The following ANXA8 variants were observed in gnomAD, a reference collection of about 807,000 sequenced individuals.
ANXA8 encodes VAC-beta.
In ANXA8, 9 loss-of-function variants were observed where a neutral mutation model predicts 26.8. The observed-to-expected ratio is 0.34, with a 90% CI of 0.20 to 0.59. The LOEUF is 0.59. Ranked by LOEUF, ANXA8 falls within the 20% of genes least tolerant of loss-of-function variation. The pLI is 0.84. For missense variants in ANXA8, 83 were observed against 238.5 expected (o/e 0.35, Z 4.29); for synonymous variants, 39 against 94.8 (o/e 0.41, Z 3.42).
the ANXA8 span, among the ~76,000 whole-genome samples, chr10:47,508,184 C>G: frequency 1.2e-5 from 1 of 81,076 alleles, no homozygotes; most frequent in East Asian, 6.3e-4. Flanking sequence ...CCTGCCTCAG[C>G]CTCCCAAGTG....
chr10:47,956,836 T>G, the ANXA8 span, among the ~76,000 whole-genome samples: 1 of 150,158 alleles, frequency 6.7e-6, no homozygotes, highest in South Asian at 2.1e-4. Flanking sequence ...AGCAGGGCAC[T>G]CAGGGAAGGA....
chr10:47,683,113 C>G, the ANXA8 span, among the ~76,000 whole-genome samples: 1 of 151,898 alleles, frequency 6.6e-6, no homozygotes. Context: ...TAAACTTCAA[C>G]TGCTTTTGTT....
At chr10:47,686,312 G>A in the ANXA8 span, among the ~76,000 whole-genome samples, 3 of 149,756 alleles carry the variant, frequency 2.0e-5, no homozygotes, top group East Asian at 5.9e-4. Flanking sequence ...TCTGCCTCCT[G>A]GGTTCAAGCG....
the ANXA8 span, among the ~76,000 whole-genome samples, chr10:47,891,586 AT>A: frequency 8.2e-5 from 1 of 12,266 alleles, no homozygotes; most frequent in African/African-American, 4.0e-4. Context: ...ATCTCTACAA[AT>A]AAATAGAAAA....
chr10:47,954,354 T>C, the ANXA8 span, among the ~76,000 whole-genome samples: 1 of 151,058 alleles, frequency 6.6e-6, no homozygotes, highest in South Asian at 2.1e-4. Flanking sequence ...AATATTGAAC[T>C]CATGGAGATA....
At chr10:47,559,667 C>G in the ANXA8 span, among the ~76,000 whole-genome samples, 5 of 151,438 alleles carry the variant, frequency 3.3e-5, no homozygotes, top group Non-Finnish European at 7.4e-5. Context: ...TTTAGGTAGC[C>G]CAGTACTCGG....
intron 11 of ANXA8, among the ~76,000 whole-genome samples, chr10:47,469,804 T>A (rs1443634015): frequency 3.3e-5 from 5 of 151,524 alleles, no homozygotes; most frequent in Non-Finnish European, 7.4e-5. Context: ...TATTGTCTAC[T>A]TTTCACCATT....
the ANXA8 span, among the ~76,000 whole-genome samples, chr10:47,530,671 T>C: frequency 1.3e-3 from 196 of 145,532 alleles, no homozygotes; most frequent in East Asian, 5.5e-3. Context: ...CCAGCCTGGG[T>C]GACAGAGTGA....
the ANXA8 span, among the ~76,000 whole-genome samples, chr10:47,653,266 TG>T: frequency 6.7e-6 from 1 of 149,448 alleles, no homozygotes; most frequent in East Asian, 1.9e-4. Context: ...GAGCCGAGAC[TG>T]CGCCACTGCA....
At chr10:47,686,920 G>C in the ANXA8 span, among the ~76,000 whole-genome samples, 1 of 151,400 alleles carries the variant, frequency 6.6e-6, no homozygotes, top group African/African-American at 2.4e-5. Flanking sequence ...ACAAGTTTGT[G>C]GGGGCGGGGG....
At chr10:47,495,833 G>A in the ANXA8 span, among the ~76,000 whole-genome samples, 5 of 151,330 alleles carry the variant, frequency 3.3e-5, no homozygotes, top group Non-Finnish European at 7.4e-5. Flanking sequence ...GGCATGGGGG[G>A]CAACCCAGGG....
At chr10:47,590,004 T>C in the ANXA8 span, 8 of 146,090 alleles carry the variant, frequency 5.5e-5, no homozygotes, top group South Asian at 1.7e-3. Flanking sequence ...ATCTGGATCC[T>C]GGCCTCTCAG....
the ANXA8 span, among the ~76,000 whole-genome samples, chr10:47,743,319 T>TATATATATACAC: frequency 5.2e-4 from 24 of 45,864 alleles, no homozygotes; most frequent in African/African-American, 1.7e-3. Flanking sequence ...TATACACATA[T>TATATATATACAC]ATATATATAC....
chr10:47,533,308 A>G, the ANXA8 span, among the ~76,000 whole-genome samples: 3 of 146,818 alleles, frequency 2.0e-5, no homozygotes, highest in East Asian at 6.6e-4. Flanking sequence ...GGGGTCCATC[A>G]CTGCCCTTTC....
At chr10:47,546,268 T>C in the ANXA8 span, among the ~76,000 whole-genome samples, 1 of 137,778 alleles carries the variant, frequency 7.3e-6, no homozygotes, top group Non-Finnish European at 1.6e-5. Flanking sequence ...ACCTCTAACT[T>C]GTATGTTAAT....
the ANXA8 span, among the ~76,000 whole-genome samples, chr10:47,650,125 T>C: frequency 6.7e-6 from 1 of 148,634 alleles, no homozygotes; most frequent in Non-Finnish European, 1.5e-5. Flanking sequence ...CGAGAATCTC[T>C]TGAGTCTGGG....
the ANXA8 span, among the ~76,000 whole-genome samples, chr10:47,979,004 G>T: frequency 0.68 from 102,205 of 150,118 alleles, 34,124 homozygotes; most frequent in South Asian, 0.78. Flanking sequence ...AGTAACCAAA[G>T]GGGAGCTGGA....
the ANXA8 span, among the ~76,000 whole-genome samples, chr10:47,744,128 G>T: frequency 6.7e-6 from 1 of 148,324 alleles, no homozygotes; most frequent in Non-Finnish European, 1.5e-5. Flanking sequence ...GGAAGGACTC[G>T]TTGAATGCAC....
the ANXA8 span, among the ~76,000 whole-genome samples, chr10:47,645,378 A>G: frequency 1.3e-5 from 2 of 148,248 alleles, no homozygotes; most frequent in African/African-American, 5.2e-5. Flanking sequence ...AGTTAACACA[A>G]AGACCATAGA....
Sources: gnomAD v4.1 joint callset for allele counts (sites outside exome capture counted in the v4.1 genomes callset) on GRCh38, gnomAD v4.1.1 for gene constraint, MANE v1.5 for transcripts, NCBI Gene and HGNC (gene_info 2026-07-23, HGNC 2026-07-21) for gene names.